HACL1: variants seen among roughly 807,000 people sequenced by gnomAD.
The protein encoded by HACL1 is 2-hydroxyacyl-CoA lyase 1.
Under a neutral mutation model 74.2 loss-of-function variants are expected in HACL1, and 64 were observed. The observed-to-expected ratio is 0.86, with a 90% CI of 0.70 to 1.06. The LOEUF (loss-of-function observed/expected upper bound fraction) is 1.06. Ranked by LOEUF, HACL1 falls within the 50% of genes least tolerant of loss-of-function variation. The probability of loss-of-function intolerance (pLI) is 0.00; values close to 1 mark genes in which losing one functional copy is unlikely to be tolerated. For missense variants in HACL1, 728 were observed against 719.7 expected (o/e 1.01, Z -0.13); for synonymous variants, 230 against 238.8 (o/e 0.96, Z 0.34).
At position 15,579,919 on chromosome 3, in the gene HACL1, G is replaced by A; in HGVS notation, c.794C>T (p.Ala265Val). The change falls in exon 9 of 17, where the codon GCC becomes GTC. Residue 265 changes from alanine (A) to valine (V), a missense_variant. Physicochemically the swap from Ala to Val is moderately conservative, Grantham distance 64. Transcript: ENST00000321169. ...PDNHPYCVGA[A>V]RSRALQFADV... is the part of the protein sequence containing the mutation. ...CTGGAATGCCACACACCTGGATCTGGCTGCACCTACACAGTATGGATGGTT... is the reference window on the plus strand; with the variant it reads ...CTGGAATGCCACACACCTGGATCTGACTGCACCTACACAGTATGGATGGTT... 4 of 1,591,046 alleles carry A rather than the reference G, an allele frequency of 2.5e-6. No individual in the cohort carries two copies. The highest frequency in any genetic ancestry group is 3.4e-6 in the Non-Finnish European group (4 of 1,169,642).
chr3:15,571,981 A>T (rs2063544883), intron 11 of HACL1, among the ~76,000 whole-genome samples: 1 of 151,758 alleles, frequency 6.6e-6, no homozygotes, highest in African/African-American at 2.4e-5. Flanking sequence ...CTGGGAGTAC[A>T]GGTGCCTGCC....
rs1286578887 is a variant in HACL1, at chr3:15,566,233, A to C, written c.1410-1575T>G. ...GAATAGAATGGTTTTACTACAGTTTAAATATAGCTGGAAAAATAAAACCCC... is the reference window on the plus strand; with the variant it reads ...GAATAGAATGGTTTTACTACAGTTTCAATATAGCTGGAAAAATAAAACCCC... On this transcript the variant is annotated intron_variant, in intron 14 of 16. Coordinates refer to ENST00000321169, the MANE Select transcript of HACL1 (RefSeq NM_012260.4). 2.0e-5 allele frequency among the ~76,000 whole-genome samples: 3 copies of C among 152,212 alleles called. No homozygotes were observed. The East Asian group carries it at 5.8e-4, about 29-fold the overall frequency.
rs1302195982 is a variant in HACL1, at chr3:15,600,967, TTGATA to T, written c.186+118_186+122del. The T allele has an allele frequency of 2.5e-5, 17 of 675,100 alleles. No homozygotes were observed. The Middle Eastern group carries it at 8.1e-4, about 32-fold the overall frequency. 41.8% of individuals were successfully genotyped at this position (675,100 alleles called of 1,614,324 possible). A position where few individuals can be genotyped will look rare whatever the true frequency, so the allele number is the denominator to read the frequency against. On this transcript the variant is annotated intron_variant, in intron 2 of 16. Coordinates refer to ENST00000321169, the MANE Select transcript of HACL1 (RefSeq NM_012260.4). ...AACAACAGTTAATATTCAACAGTGATTGATATGATATATGTAAAGTAGCAGAAGAG... is the reference window on the plus strand; with the variant it reads ...AACAACAGTTAATATTCAACAGTGATTGATATATGTAAAGTAGCAGAAGAG...
chr3:15,591,177 A>G (rs2063885947), intron 4 of HACL1, among the ~76,000 whole-genome samples: 7 of 152,236 alleles, frequency 4.6e-5, no homozygotes, highest in Admixed American at 4.6e-4. Context: ...AAGGTATACC[A>G]TATGATATTT....
At chr3:15,576,059 G>A (rs2063620088) in intron 9 of HACL1, among the ~76,000 whole-genome samples, 1 of 79,274 alleles carries the variant, frequency 1.3e-5, no homozygotes, top group Non-Finnish European at 2.4e-5. Context: ...AGGAGGCTGA[G>A]GCAGAAGAAT....
At chr3:15,563,594 G>A (rs1559545392) in intron 15 of HACL1, 50 bp from the exon 16 acceptor site, 5 of 1,203,272 alleles carry the variant, frequency 4.2e-6, no homozygotes, top group Admixed American at 4.5e-5. Context: ...AAACCTTGTA[G>A]AAAAAAAGTC....
intron 3 of HACL1, among the ~76,000 whole-genome samples, chr3:15,592,153 C>T (rs979074351): frequency 8.1e-5 from 12 of 147,906 alleles, no homozygotes; most frequent in East Asian, 3.9e-4. Context: ...TGTATACATA[C>T]GTATATACGT....
chr3:15,599,862 T>G (rs1252385172), intron 2 of HACL1, among the ~76,000 whole-genome samples: 4 of 152,230 alleles, frequency 2.6e-5, no homozygotes, highest in African/African-American at 9.6e-5. Flanking sequence ...CAATAAATGT[T>G]TGCTGTATGA....
rs1233890392 is a variant in HACL1, at chr3:15,580,003, A to T, written c.710T>A (p.Val237Glu). 3 of 1,610,832 alleles carry T rather than the reference A, an allele frequency of 1.9e-6. No individual in the cohort carries two copies. Among genetic ancestry groups the T allele is most frequent in the South Asian group, 2.2e-5 (2 of 90,998 alleles). ...AHAEESIKKL[V>E]EQYKLPFLPT... ...CAAAAATGGCAGTTTATATTGCTCC[A>T]CCAATTTCTTGATACTCTCTTCTGC... The change falls in exon 9 of 17, where the codon GTG (valine) becomes GAG (glutamate). Residue 237 changes from valine to glutamate, a missense_variant. By Grantham distance (121) the Val-to-Glu change is moderately radical (BLOSUM62 -2). Transcript: ENST00000321169.
At chr3:15,565,265 G>T (rs564710625) in intron 14 of HACL1, among the ~76,000 whole-genome samples, 1 of 152,194 alleles carries the variant, frequency 6.6e-6, no homozygotes, top group South Asian at 2.1e-4. Context: ...AGTCTAGATG[G>T]TATATGAAGA....
chr3:15,567,923 T>C lies in HACL1; in HGVS notation c.1330A>G (p.Ser444Gly), dbSNP rs773327937. The C allele has an allele frequency of 4.3e-6, 7 of 1,614,092 alleles. No individual in the cohort carries two copies. Among genetic ancestry groups the C allele is most frequent in the Non-Finnish European group, 5.1e-6 (6 of 1,179,908 alleles). ...ACACAGATGATCCATTGCCCAGGGC[T>C]TCTATCTTTAGCCACCACGGCAGCT... ...IAAAVVAKDRSPGQWIICVEG... is the reference protein window; with the variant it reads ...IAAAVVAKDRGPGQWIICVEG... The change falls in exon 14 of 17, where the codon AGC becomes GGC. Residue 444 changes from serine (S) to glycine (G), a missense_variant. By Grantham distance (56) the Ser-to-Gly change is moderately conservative. Transcript: ENST00000321169.
rs772724245 is a variant in HACL1, at chr3:15,563,442, T to C, written c.1620A>G (p.Lys540=). The change falls in exon 16 of 17, where the codon AAA becomes AAG. Residue 540 remains lysine (K), a synonymous_variant. Transcript: ENST00000321169. ...YFVQTPEELQ[K]SLRQSLADTT... ...TGTCTGCTAGGCTCTGCCTCAGGGA[T>C]TTTTGGAGTTCTTCTGGTGTTTGTA... 4.3e-6 allele frequency: 7 copies of C among 1,611,670 alleles called. No homozygotes were observed. The Admixed American group carries it at 1.2e-4, about 27-fold the overall frequency.
At chr3:15,592,089 C>CACACACTATATACGTATATAT (rs2063919311) in intron 3 of HACL1, among the ~76,000 whole-genome samples, 2 of 132,740 alleles carry the variant, frequency 1.5e-5, no homozygotes, top group Admixed American at 7.3e-5. Flanking sequence ...CGTATATATA[C>CACACACTATATACGTATATAT]ACACACTATA....
At chr3:15,574,497 T>C (rs1017438856) in intron 10 of HACL1, among the ~76,000 whole-genome samples, 4 of 152,220 alleles carry the variant, frequency 2.6e-5, no homozygotes, top group Admixed American at 2.0e-4. Context: ...TGGGTCATAA[T>C]GATACAAGAA....
chr3:15,592,530 A>G lies in HACL1; in HGVS notation c.228-850T>C, dbSNP rs116484104. On this transcript the variant is annotated intron_variant, in intron 3 of 16. Coordinates refer to ENST00000321169, the MANE Select transcript of HACL1 (RefSeq NM_012260.4). ...TATATACACTTGTATACATATACAC[A>G]TGTATACACATGTACGCACATGTGT... Among the ~76,000 whole-genome samples, 593 of 144,114 alleles carry G rather than the reference A, an allele frequency of 4.1e-3. 24 individuals carry two copies. Among genetic ancestry groups the G allele is most frequent in the African/African-American group, 0.01 (409 of 39,818 alleles). The allele number at this position is 144,114 out of a possible 152,430, so 94.5% of individuals were successfully genotyped here.
rs761373170 is a variant in HACL1 at position 15,560,828 on chromosome 3, AAAGAG to A, written c.*32_*36del. ...GGAAAATAAAATTTCATCTTGCAAG[AAAGAG>A]AAAACTCAAGACCACCAACTGGCGT... On this transcript the variant is annotated 3_prime_UTR_variant, in exon 17 of 17. Coordinates refer to ENST00000321169, the MANE Select transcript of HACL1 (RefSeq NM_012260.4). The A allele has an allele frequency of 2.3e-5, 34 of 1,471,120 alleles. No homozygotes were observed. In the South Asian group the frequency reaches 3.7e-4, roughly 16 times the overall value. 91.1% of individuals were successfully genotyped at this position (1,471,120 alleles called of 1,614,324 possible).
Position 15,586,592 on chromosome 3 carries a change from C to T in HACL1, c.392G>A (p.Cys131Tyr), listed in dbSNP as rs1401732675. 6.3e-7 allele frequency: 1 copy of T among 1,581,792 alleles called. No homozygotes were observed. Among genetic ancestry groups the T allele is most frequent in the Admixed American group, 1.7e-5 (1 of 59,674 alleles). The stretch of plus-strand genomic sequence containing the variant: ...GGCAGAGAACTTGGTATATAATCTA[C>T]AAGCTTCAACCTACATGGAAAATGA... ...AFQEFPQVEA[C>Y]RLYTKFSARP... Residue 131 changes from cysteine (C) to tyrosine (Y), a missense_variant, in exon 6 of 17, where the codon TGT (cysteine) becomes TAT (tyrosine). Transcript: ENST00000321169.
intron 9 of HACL1, among the ~76,000 whole-genome samples, chr3:15,577,816 C>T (rs767398437): frequency 1.3e-5 from 2 of 150,834 alleles, no homozygotes; most frequent in South Asian, 2.1e-4. Context: ...ACCCAAAAAC[C>T]GGCTGGGCGC....
chr3:15,583,120 C>G, intron 7 of HACL1, 131 bp from the exon 8 acceptor site: 2 of 546,816 alleles, frequency 3.7e-6, no homozygotes, highest in Admixed American at 3.6e-5. Flanking sequence ...GATCTAACAA[C>G]TTAATATCAT....
Sources: gnomAD v4.1 joint callset for allele counts (sites outside exome capture counted in the v4.1 genomes callset) on GRCh38, gnomAD v4.1.1 for gene constraint, MANE v1.5 for transcripts, NCBI Gene and HGNC (gene_info 2026-07-23, HGNC 2026-07-21) for gene names.